The following PLIN4 variants were observed in gnomAD, a reference collection of about 807,000 sequenced individuals.
The protein encoded by PLIN4 is perilipin 4, also known as perilipin-4.
A neutral mutation model predicts 52.4 loss-of-function variants in PLIN4; 57 were observed. That is an observed-to-expected ratio of 1.09 (90% CI 0.88 to 1.36). The LOEUF (loss-of-function observed/expected upper bound fraction) is 1.36, where lower values mean the gene tolerates loss of function less well. PLIN4 is among the 40% of genes most tolerant of loss of function. The pLI, the probability that PLIN4 is intolerant of heterozygous loss-of-function variation, is 0.00. For synonymous variants in PLIN4, 826 were observed against 785.4 expected, an observed-to-expected ratio of 1.05 and a Z score of -0.86; for missense variants, 1,757 against 1,770.3, an observed-to-expected ratio of 0.99 and a Z score of 0.13.
chr19:4,511,575 G>A lies in PLIN4; in HGVS notation c.2385C>T (p.Thr795=), dbSNP rs113633295. Residue 795 remains threonine (T), a synonymous_variant, in exon 5 of 8, where the codon ACC becomes ACT. Transcript: ENST00000301286. ...TCACCCCACTGCACACAGCATCCTT[G>A]GTACCAGTTAACACAGTCTTGGTGG... The part of the protein sequence containing the change: ...MDTTKTVLTG[T]KDAVCSGVTG... 2.7e-6 allele frequency: 4 copies of A among 1,475,760 alleles called. No individual in the cohort carries two copies. The highest frequency in any genetic ancestry group is 3.6e-6 in the Non-Finnish European group (4 of 1,111,666). 91.4% of individuals were successfully genotyped at this position (1,475,760 alleles called of 1,614,324 possible). A position where few individuals can be genotyped will look rare whatever the true frequency, so the allele number is the denominator to read the frequency against.
chr19:4,517,701 G>A lies in PLIN4; in HGVS notation c.52-3C>T, dbSNP rs113555588. 6.3e-7 allele frequency: 1 copy of A among 1,580,218 alleles called. No individual in the cohort carries two copies. The highest frequency in any genetic ancestry group is 1.8e-5 in the Admixed American group (1 of 54,726). On this transcript the variant is annotated splice_region_variant and splice_polypyrimidine_tract_variant and intron_variant, in intron 2 of 7. Transcript: ENST00000301286. Reference sequence around the variant, plus strand: ...GACCCAAAGAAGCTGCCCAGGGTCTGCATGGGGGCGGGGGGTGTGCAGGAT... The same window carrying A: ...GACCCAAAGAAGCTGCCCAGGGTCTACATGGGGGCGGGGGGTGTGCAGGAT...
At chr19:4,509,738 G>T (rs1369257288) in intron 5 of PLIN4, among the ~76,000 whole-genome samples, 2 of 152,084 alleles carry the variant, frequency 1.3e-5, no homozygotes, top group Non-Finnish European at 2.9e-5. Context: ...CCAGGAGTTT[G>T]AGACCAGCCT....
chr19:4,507,742 G>A lies in PLIN4; in HGVS notation c.3702+1026C>T, dbSNP rs1375874481. On this transcript the variant is annotated intron_variant, in intron 6 of 7. Transcript: ENST00000301286. Reference sequence around the variant, plus strand: ...CAGTCCTGTGAGATTTCTGCCTCCCGGGCTGCACAACAGCTTCTAGAGGAA... The same window carrying A: ...CAGTCCTGTGAGATTTCTGCCTCCCAGGCTGCACAACAGCTTCTAGAGGAA... 2.6e-5 allele frequency among the ~76,000 whole-genome samples: 4 copies of A among 152,176 alleles called. No individual in the cohort carries two copies. In the South Asian group the frequency reaches 6.2e-4, roughly 24 times the overall value.
At position 4,512,299 on chromosome 19, in the gene PLIN4, AG is replaced by A; in HGVS notation, c.1660del (p.Leu554TrpfsTer9). On this transcript the variant is annotated frameshift_variant, in exon 5 of 8. Coordinates refer to ENST00000301286, the MANE Select transcript of PLIN4 (RefSeq NM_001367868.2). LOFTEE classifies it high-confidence loss of function. ...TATGACCACAGACTTGGTGGTGTCC[AG>A]GCCCCCCTGGACGGCCCCTTTGGCC... ...NVAKGAVQGG[L>X]DTTKSVVIGT... 5.0e-6 allele frequency: 8 copies of A among 1,611,132 alleles called. No individual in the cohort carries two copies. Among genetic ancestry groups the A allele is most frequent in the Non-Finnish European group, 5.1e-6 (6 of 1,179,488 alleles).
chr19:4,510,929 C>G lies in PLIN4; in HGVS notation c.3031G>C (p.Ala1011Pro). Residue 1011 changes from alanine to proline, a missense_variant, in exon 5 of 8, where the codon GCC (alanine) becomes CCC (proline). Physicochemically the swap from Ala to Pro is conservative, Grantham distance 27. Around this residue, in one of 7 missense-constraint regions of PLIN4, gnomAD observed 712 missense variants for 637.1 expected, o/e 1.12. Transcript: ENST00000301286. ...VTGAMSMAKGAVQGGLDTTKT... is the reference protein window; with the variant it reads ...VTGAMSMAKGPVQGGLDTTKT... ...GTGGTGTCCAGGCCCCCCTGGACGG[C>G]CCCTTTGGCCATGCTCATGGCACCG... is the stretch of plus-strand genomic sequence containing the variant. 6.2e-7 allele frequency: 1 copy of G among 1,613,494 alleles called. No homozygotes were observed.
At position 4,512,313 on chromosome 19, in the gene PLIN4, G is replaced by C. The variant is rs749905440; in HGVS notation, c.1647C>G (p.Ala549=). Residue 549 remains alanine, a synonymous_variant, in exon 5 of 8, where the codon GCC becomes GCG. Transcript: ENST00000301286. ...VTSAVNVAKG[A]VQGGLDTTKS... is the part of the protein sequence containing the mutation. The stretch of plus-strand genomic sequence containing the variant: ...TGGTGGTGTCCAGGCCCCCCTGGAC[G>C]GCCCCTTTGGCCACGTTCACAGCAC... 6.2e-7 allele frequency: 1 copy of C among 1,602,746 alleles called. No individual in the cohort carries two copies. Among genetic ancestry groups the C allele is most frequent in the Non-Finnish European group, 8.5e-7 (1 of 1,176,416 alleles).
chr19:4,508,696 G>C, intron 6 of PLIN4, 72 bp downstream of exon 6: 1 of 1,446,756 alleles, frequency 6.9e-7, no homozygotes, highest in Non-Finnish European at 9.3e-7. Flanking sequence ...AGTATCTGCA[G>C]CTGGGTGAGT....
At chr19:4,517,205 G>A (rs1976607118) in intron 3 of PLIN4, among the ~76,000 whole-genome samples, 1 of 152,140 alleles carries the variant, frequency 6.6e-6, no homozygotes, top group Admixed American at 6.5e-5. Context: ...GGGAGCTGTT[G>A]CTCCTCCCTG....
chr19:4,508,970 G>GCACCGCTCAGTCCCGGAAGCCC lies in PLIN4; in HGVS notation c.3515-37_3515-16dup. 2 of 1,603,922 alleles carry GCACCGCTCAGTCCCGGAAGCCC rather than the reference G, an allele frequency of 1.2e-6. No individual in the cohort carries two copies. The highest frequency in any genetic ancestry group is 1.7e-6 in the Non-Finnish European group (2 of 1,175,704). On this transcript the variant is annotated splice_polypyrimidine_tract_variant and intron_variant, in intron 5 of 7. Transcript: ENST00000301286. Reference sequence around the variant, plus strand: ...AGCCAGCTGAGCTGGAAAGGAAGGCGCACCGCTCAGTCCCGGAAGCCCCTC... The same window carrying GCACCGCTCAGTCCCGGAAGCCC: ...AGCCAGCTGAGCTGGAAAGGAAGGCGCACCGCTCAGTCCCGGAAGCCCCACCGCTCAGTCCCGGAAGCCCCTC...
At chr19:4,516,867 C>CT (rs1568237995) in intron 3 of PLIN4, among the ~76,000 whole-genome samples, 189 bp from the exon 4 acceptor site, 7 of 152,344 alleles carry the variant, frequency 4.6e-5, no homozygotes, top group African/African-American at 1.7e-4. Flanking sequence ...CCGCTGGGGG[C>CT]TCCCCCCAAG....
Position 4,512,910 on chromosome 19 carries a change from TC to T in PLIN4, c.1049del (p.Gly350GlufsTer14), listed in dbSNP as rs1800241039. ...TGGTGTCCACGCCGGTCTGGATGGTTCCTTTGGCCACATTCATGGCACCAGT... is the reference window on the plus strand; with the variant it reads ...TGGTGTCCACGCCGGTCTGGATGGTTCTTTGGCCACATTCATGGCACCAGT... ...GVTGAMNVAK[G>X]TIQTGVDTTK... is the part of the protein sequence containing the mutation. On this transcript the variant is annotated frameshift_variant, in exon 5 of 8. Transcript: ENST00000301286. LOFTEE classifies it high-confidence loss of function. 6.4e-7 allele frequency: 1 copy of T among 1,570,892 alleles called. No individual in the cohort carries two copies. Among genetic ancestry groups the T allele is most frequent in the Admixed American group, 1.7e-5 (1 of 58,484 alleles).
At chr19:4,506,943 TG>T (rs1288534521) in intron 6 of PLIN4, among the ~76,000 whole-genome samples, 1 of 152,182 alleles carries the variant, frequency 6.6e-6, no homozygotes, top group Non-Finnish European at 1.5e-5. Context: ...AGGACAGACT[TG>T]CCCTTGGCAC....
intron 6 of PLIN4, among the ~76,000 whole-genome samples, chr19:4,505,439 G>A (rs1481492150): frequency 1.3e-5 from 2 of 152,176 alleles, no homozygotes; most frequent in African/African-American, 2.4e-5. Flanking sequence ...GTCCGCGTTC[G>A]GCCTCAGCTC....
chr19:4,510,577 G>C lies in PLIN4; in HGVS notation c.3383C>G (p.Ala1128Gly). 1 of 1,502,360 alleles carries C rather than the reference G, an allele frequency of 6.7e-7. No individual in the cohort carries two copies. The highest frequency in any genetic ancestry group is 8.9e-7 in the Non-Finnish European group (1 of 1,126,146). 93.1% of individuals were successfully genotyped at this position (1,502,360 alleles called of 1,614,324 possible). A position where few individuals can be genotyped will look rare whatever the true frequency, so the allele number is the denominator to read the frequency against. Residue 1128 changes from alanine (A) to glycine (G), a missense_variant, in exon 5 of 8, where the codon GCC (alanine) becomes GGC (glycine). Transcript: ENST00000301286. ...TDVATFTQGAAPGREDTGLLA... is the reference protein window; with the variant it reads ...TDVATFTQGAGPGREDTGLLA... Reference sequence around the variant, plus strand: ...AAGCCCCGTGTCCTCCCTGCCTGGGGCGGCCCCTTGGGTGAACGTCGCCAC... The same window carrying C: ...AAGCCCCGTGTCCTCCCTGCCTGGGCCGGCCCCTTGGGTGAACGTCGCCAC...
At position 4,510,733 on chromosome 19, in the gene PLIN4, C is replaced by G; in HGVS notation, c.3227G>C (p.Gly1076Ala). The change falls in exon 5 of 8, where the codon GGT becomes GCT. Residue 1076 changes from glycine to alanine, a missense_variant. By Grantham distance (60) the Gly-to-Ala change is moderately conservative (BLOSUM62 0). This residue lies in a region of PLIN4 where 712 missense variants were observed against 637.1 expected (regional missense o/e 1.12). Coordinates refer to ENST00000301286, the MANE Select transcript of PLIN4 (RefSeq NM_001367868.2). ...GLTSSRTTDNGGEQTALSPQE... is the reference protein window; with the variant it reads ...GLTSSRTTDNAGEQTALSPQE... Reference sequence around the variant, plus strand: ...GGGGCTCAGGGCAGTCTGCTCCCCACCATTGTCTGTGGTCCTGGAACTGGT... The same window carrying G: ...GGGGCTCAGGGCAGTCTGCTCCCCAGCATTGTCTGTGGTCCTGGAACTGGT... The G allele has an allele frequency of 1.9e-6, 3 of 1,547,358 alleles. No homozygotes were observed. The highest frequency in any genetic ancestry group is 2.6e-6 in the Non-Finnish European group (3 of 1,147,552).
chr19:4,508,992 C>T, intron 5 of PLIN4, 37 bp from the exon 6 acceptor site: 1 of 1,577,134 alleles, frequency 6.3e-7, no homozygotes, highest in South Asian at 1.2e-5. Context: ...CCCGGAAGCC[C>T]CTCAGGGCAT....
chr19:4,503,566 G>A lies in PLIN4; in HGVS notation c.*893C>T, dbSNP rs1396556590. On this transcript the variant is annotated 3_prime_UTR_variant, in exon 8 of 8. Transcript: ENST00000301286. ...AGCCTCTGTGGCTGTTCCCAGCCCT[G>A]TCTGATCCCTCCATAGGGCACAGTT... The A allele has an allele frequency of 2.0e-5, 3 of 152,386 alleles. No homozygotes were observed. The highest frequency in any genetic ancestry group is 4.4e-5 in the Non-Finnish European group (3 of 68,184). The allele number at this position is 152,386 out of a possible 1,614,324, so 9.4% of individuals were successfully genotyped here. A position where few individuals can be genotyped will look rare whatever the true frequency, so the allele number is the denominator to read the frequency against.
chr19:4,504,877 T>G lies in PLIN4; in HGVS notation c.3773A>C (p.Asp1258Ala). The stretch of plus-strand genomic sequence containing the variant: ...CAGACCCACCTCCTGGACAGCAGCG[T>G]CCTCCGCACTGGCACCTGAGCCCTG... Reference protein sequence around the residue: ...LDQGSGASAEDAAVQEERDAG... With the variant: ...LDQGSGASAEAAAVQEERDAG... Residue 1258 changes from aspartate (D) to alanine (A), a missense_variant, in exon 7 of 8, where the codon GAC becomes GCC. Asp to Ala is a moderately radical substitution (Grantham distance 126). Around this residue, in one of 7 missense-constraint regions of PLIN4, gnomAD observed 712 missense variants for 637.1 expected, o/e 1.12. Transcript: ENST00000301286. The G allele has an allele frequency of 6.2e-7, 1 of 1,607,026 alleles. No homozygotes were observed. The highest frequency in any genetic ancestry group is 2.2e-5 in the East Asian group (1 of 44,728).
chr19:4,508,984 C>T (rs774389255), intron 5 of PLIN4, 29 bp from the exon 6 acceptor site: 39 of 1,590,688 alleles, frequency 2.5e-5, no homozygotes, highest in East Asian at 1.3e-4. Context: ...CGCTCAGTCC[C>T]GGAAGCCCCT....
Sources: gnomAD v4.1 joint callset for allele counts (sites outside exome capture counted in the v4.1 genomes callset) on GRCh38, gnomAD v4.1.1 for gene constraint, gnomAD v4.1.1 regional missense constraint, MANE v1.5 for transcripts, NCBI Gene and HGNC (gene_info 2026-07-23, HGNC 2026-07-21) for gene names.